Variants in BTBD16 observed in about 807,000 individuals in gnomAD.
BTBD16 encodes BTB/POZ domain-containing protein 16.
BTBD16 carries 66 observed loss-of-function variants against 67.4 expected under a neutral mutation model. The observed-to-expected ratio is 0.98, with a 90% CI of 0.80 to 1.20. The LOEUF (loss-of-function observed/expected upper bound fraction) is 1.20, where lower values mean the gene tolerates loss of function less well. Ranked by LOEUF, BTBD16 falls within the 50% of genes most tolerant of loss-of-function variation. The pLI is 0.00. For missense variants in BTBD16, 634 were observed against 616.0 expected (o/e 1.03, Z -0.31); for synonymous variants, 242 against 236.4 (o/e 1.02, Z -0.22).
chr10:122,276,585 A>G (rs1218428351), intron 2 of BTBD16, among the ~76,000 whole-genome samples: 1 of 152,114 alleles, frequency 6.6e-6, no homozygotes, highest in African/African-American at 2.4e-5. Flanking sequence ...CTAAATTCCA[A>G]ATTACTTTGT....
chr10:122,321,538 A>G (rs757803679), intron 10 of BTBD16, among the ~76,000 whole-genome samples: 1 of 152,218 alleles, frequency 6.6e-6, no homozygotes, highest in Non-Finnish European at 1.5e-5. Flanking sequence ...TGACTTTTTA[A>G]TAATAGCCAT....
At chr10:122,325,608 G>A in intron 10 of BTBD16, among the ~76,000 whole-genome samples, 1 of 151,910 alleles carries the variant, frequency 6.6e-6, no homozygotes, top group East Asian at 1.9e-4. Context: ...AGGAATTATT[G>A]TTTCATTTAC....
At chr10:122,302,710 C>T (rs1162312786) in intron 9 of BTBD16, among the ~76,000 whole-genome samples, 1 of 152,188 alleles carries the variant, frequency 6.6e-6, no homozygotes, top group Non-Finnish European at 1.5e-5. Flanking sequence ...TTAGCTAACA[C>T]TAACAATACC....
Position 122,336,673 on chromosome 10 carries a change from C to CA in BTBD16, c.1447dup (p.Ser483LysfsTer48), listed in dbSNP as rs560247372. 510 of 1,583,126 alleles carry CA rather than the reference C, an allele frequency of 3.2e-4. No homozygotes were observed. The highest frequency in any genetic ancestry group is 4.1e-4 in the Non-Finnish European group (475 of 1,170,432). ...AGTTTGGGTTGACCACGTCATCCTGCAAAAGCCATGCAAGTGTTCACGTTG... is the reference window on the plus strand; with the variant it reads ...AGTTTGGGTTGACCACGTCATCCTGCAAAAAGCCATGCAAGTGTTCACGTTG... On this transcript the variant is annotated frameshift_variant, in exon 15 of 16. Coordinates refer to ENST00000260723, the MANE Select transcript of BTBD16 (RefSeq NM_144587.5). LOFTEE classifies it high-confidence loss of function.
At chr10:122,273,633 A>G (rs1348346584) in intron 1 of BTBD16, among the ~76,000 whole-genome samples, 1 of 152,164 alleles carries the variant, frequency 6.6e-6, no homozygotes, top group African/African-American at 2.4e-5. Flanking sequence ...CTGTAGTCCC[A>G]GCTACTGGGG....
intron 10 of BTBD16, among the ~76,000 whole-genome samples, chr10:122,312,515 T>C (rs1333230967): frequency 6.6e-6 from 1 of 152,052 alleles, no homozygotes. Context: ...GGTTTCACTA[T>C]GTTGGCCAGG....
intron 4 of BTBD16, among the ~76,000 whole-genome samples, chr10:122,284,185 G>A (rs1564959595): frequency 2.0e-5 from 3 of 152,082 alleles, no homozygotes; most frequent in Admixed American, 6.6e-5. Context: ...TCAATAAATA[G>A]CCCACACCTG....
intron 15 of BTBD16, among the ~76,000 whole-genome samples, 185 bp from the exon 16 acceptor site, chr10:122,337,832 G>C (rs747106161): frequency 6.6e-6 from 1 of 152,210 alleles, no homozygotes; most frequent in African/African-American, 2.4e-5. Flanking sequence ...GCACGTTATT[G>C]TGTTTAAGTT....
chr10:122,278,080 T>G (rs1367352454), intron 3 of BTBD16, among the ~76,000 whole-genome samples: 1 of 152,152 alleles, frequency 6.6e-6, no homozygotes. Context: ...GCCAACACTT[T>G]TCCGTTGCCG....
intron 9 of BTBD16, among the ~76,000 whole-genome samples, chr10:122,303,057 T>C (rs1338696997): frequency 1.3e-5 from 2 of 152,136 alleles, no homozygotes; most frequent in African/African-American, 4.8e-5. Flanking sequence ...TTGTAGTTTC[T>C]GAAAAAAAAG....
chr10:122,294,953 T>A (rs2096380434), intron 7 of BTBD16, among the ~76,000 whole-genome samples: 1 of 152,236 alleles, frequency 6.6e-6, no homozygotes, highest in Non-Finnish European at 1.5e-5. Context: ...CTGGACCCGA[T>A]GAGGGTGGGG....
At chr10:122,276,700 T>C (rs1173737211) in intron 2 of BTBD16, 91 bp from the exon 3 acceptor site, 1 of 1,529,314 alleles carries the variant, frequency 6.5e-7, no homozygotes, top group Non-Finnish European at 8.8e-7. Context: ...AAATTTGTCT[T>C]GATTTCCTTC....
At chr10:122,277,450 T>C (rs1341719177) in intron 3 of BTBD16, among the ~76,000 whole-genome samples, 1 of 152,202 alleles carries the variant, frequency 6.6e-6, no homozygotes, top group Non-Finnish European at 1.5e-5. Flanking sequence ...TTTGTGTTGC[T>C]ATAAGGAAAT....
At chr10:122,280,001 G>A (rs1354855952) in intron 3 of BTBD16, among the ~76,000 whole-genome samples, 4 of 152,090 alleles carry the variant, frequency 2.6e-5, no homozygotes, top group Non-Finnish European at 5.9e-5. Flanking sequence ...TTTTCATGAC[G>A]CAGGGAGTTC....
chr10:122,290,912 G>A (rs150990184), intron 6 of BTBD16, among the ~76,000 whole-genome samples, 168 bp from the exon 7 acceptor site: 2,545 of 152,306 alleles, frequency 0.017, 27 homozygotes, highest in Non-Finnish European at 0.027. Flanking sequence ...GGGAAGGCTG[G>A]TAGCACAGAT....
At chr10:122,317,146 A>G (rs1042632874) in intron 10 of BTBD16, among the ~76,000 whole-genome samples, 12 of 152,210 alleles carry the variant, frequency 7.9e-5, no homozygotes, top group Non-Finnish European at 1.6e-4. Context: ...TCTTTCTTCA[A>G]TAACAAATAA....
intron 1 of BTBD16, among the ~76,000 whole-genome samples, chr10:122,272,184 C>A (rs866981041): frequency 6.6e-6 from 1 of 152,210 alleles, no homozygotes; most frequent in Admixed American, 6.5e-5. Context: ...TCAAGGAAAA[C>A]ACACATTGCT....
intron 15 of BTBD16, 106 bp downstream of exon 15, chr10:122,336,788 C>T: frequency 4.9e-6 from 5 of 1,028,724 alleles, no homozygotes; most frequent in Non-Finnish European, 6.7e-6. Flanking sequence ...CACTGAAGAT[C>T]CCTGGAAAAT....
intron 10 of BTBD16, among the ~76,000 whole-genome samples, chr10:122,324,960 A>G (rs1211450254): frequency 2.0e-5 from 3 of 152,242 alleles, no homozygotes; most frequent in Non-Finnish European, 2.9e-5. Context: ...ATGATTAGAC[A>G]GGATTTCCCT....
Sources: allele counts gnomAD v4.1 joint callset (sites outside exome capture counted in the v4.1 genomes callset), GRCh38; gene constraint gnomAD v4.1.1; transcripts MANE v1.5; gene names NCBI Gene and HGNC (gene_info 2026-07-23, HGNC 2026-07-21).